ZNF235: variants seen among roughly 807,000 people sequenced by gnomAD.
ZNF235 encodes the protein zinc finger protein 235.
Under a neutral mutation model 29.4 loss-of-function variants are expected in ZNF235, and 25 were observed. The ratio of observed to expected loss-of-function variants is 0.85; its 90% CI spans 0.62 to 1.19. The LOEUF is 1.19. Ranked by LOEUF, ZNF235 falls within the 50% of genes most tolerant of loss-of-function variation. ZNF235 has a pLI of 0.00. For synonymous variants in ZNF235, 300 were observed against 295.3 expected (o/e 1.02, Z -0.16); for missense variants, 788 against 885.0 (o/e 0.89, Z 1.39).
At chr19:44,293,901 A>C (rs1171545956) in intron 4 of ZNF235, among the ~76,000 whole-genome samples, 2 of 151,952 alleles carry the variant, frequency 1.3e-5, no homozygotes, top group African/African-American at 4.8e-5. Flanking sequence ...CTCTGGGATA[A>C]AGCAAAAGCA....
At chr19:44,300,318 T>G (rs1248310674) in intron 2 of ZNF235, among the ~76,000 whole-genome samples, 1 of 152,234 alleles carries the variant, frequency 6.6e-6, no homozygotes, top group African/African-American at 2.4e-5. Flanking sequence ...TAGGACAGTG[T>G]GTGACATACA....
chr19:44,299,143 A>G (rs898194329), intron 3 of ZNF235, among the ~76,000 whole-genome samples: 1 of 152,214 alleles, frequency 6.6e-6, no homozygotes, highest in Non-Finnish European at 1.5e-5. Context: ...TGTTTTCATC[A>G]CATCCCTTAC....
chr19:44,298,710 T>C (rs910907178), intron 4 of ZNF235, 98 bp downstream of exon 4: 61 of 951,676 alleles, frequency 6.4e-5, no homozygotes, highest in Non-Finnish European at 9.8e-5. Context: ...CAGATGTTTT[T>C]TAAAAAAGTC....
chr19:44,289,387 T>C (rs1435403918), intron 4 of ZNF235, 191 bp from the exon 5 acceptor site: 1 of 566,114 alleles, frequency 1.8e-6, no homozygotes, highest in African/African-American at 1.9e-5. Flanking sequence ...AAAAGCCATA[T>C]TTAAGATAGA....
At chr19:44,304,788 A>G in intron 1 of ZNF235, 183 bp downstream of exon 1, 1 of 985,460 alleles carries the variant, frequency 1.0e-6, no homozygotes, top group Non-Finnish European at 1.2e-6. Flanking sequence ...TCGAAGGACG[A>G]CGCGAGCCCG....
At chr19:44,294,905 C>T (rs2123098182) in intron 4 of ZNF235, among the ~76,000 whole-genome samples, 1 of 152,228 alleles carries the variant, frequency 6.6e-6, no homozygotes, top group Middle Eastern at 3.4e-3. Flanking sequence ...ATGATAAAAA[C>T]CTTTGACAAA....
At position 44,288,258 on chromosome 19, in the gene ZNF235, G is replaced by A. The variant is rs146057989; in HGVS notation, c.1177C>T (p.His393Tyr). 2 of 1,614,052 alleles carry A rather than the reference G, an allele frequency of 1.2e-6. No individual in the cohort carries two copies. Among genetic ancestry groups the A allele is most frequent in the African/African-American group, 1.3e-5 (1 of 74,924 alleles). ...GFSRSTDLNI[H>Y]CRVHTGEKPY... is the part of the protein sequence containing the mutation. Reference sequence around the variant, plus strand: ...TTCTCTCCAGTGTGAACTCTGCAATGAATGTTAAGATCTGTGCTACGACTG... The same window carrying A: ...TTCTCTCCAGTGTGAACTCTGCAATAAATGTTAAGATCTGTGCTACGACTG... Residue 393 changes from histidine (H) to tyrosine (Y), a missense_variant, in exon 5 of 5, where the codon CAT (histidine) becomes TAT (tyrosine). Physicochemically the swap from His to Tyr is moderately conservative, Grantham distance 83 (BLOSUM62 2). Coordinates refer to ENST00000291182, the MANE Select transcript of ZNF235 (RefSeq NM_004234.4).
chr19:44,296,369 T>A (rs968301701), intron 4 of ZNF235, among the ~76,000 whole-genome samples: 1 of 152,196 alleles, frequency 6.6e-6, no homozygotes, highest in Admixed American at 6.5e-5. Context: ...AAATAGGTCA[T>A]CCAAATTATG....
intron 1 of ZNF235, 115 bp from the exon 2 acceptor site, chr19:44,303,567 A>G: frequency 1.1e-6 from 1 of 896,154 alleles, no homozygotes; most frequent in South Asian, 1.7e-5. Context: ...ACAGTTGCAC[A>G]CGGCTTAGTG....
At chr19:44,304,636 C>T (rs1255796154) in intron 1 of ZNF235, 2 of 774,176 alleles carry the variant, frequency 2.6e-6, no homozygotes, top group Non-Finnish European at 3.1e-6. Flanking sequence ...AAGAACATCA[C>T]TGGGAACGCA....
At chr19:44,299,499 C>A in intron 3 of ZNF235, 107 bp downstream of exon 3, 1 of 1,464,086 alleles carries the variant, frequency 6.8e-7, no homozygotes, top group Non-Finnish European at 9.3e-7. Flanking sequence ...CTAAACATCC[C>A]AAAATACACA....
intron 1 of ZNF235, 102 bp from the exon 2 acceptor site, chr19:44,303,554 G>T: frequency 1.9e-6 from 2 of 1,062,072 alleles, no homozygotes; most frequent in Non-Finnish European, 2.7e-6. Flanking sequence ...TCTCTAGGCA[G>T]ACACAGTTGC....
chr19:44,301,203 C>T (rs926411316), intron 2 of ZNF235, among the ~76,000 whole-genome samples: 1 of 152,168 alleles, frequency 6.6e-6, no homozygotes, highest in Non-Finnish European at 1.5e-5. Context: ...GCACCTGTTT[C>T]CTACTTGTCT....
chr19:44,288,167 C>A lies in ZNF235; in HGVS notation c.1268G>T (p.Arg423Ile). 1.2e-6 allele frequency: 2 copies of A among 1,614,144 alleles called. No individual in the cohort carries two copies. The highest frequency in any genetic ancestry group is 1.3e-5 in the African/African-American group (1 of 75,034). The change falls in exon 5 of 5, where the codon AGA becomes ATA. Residue 423 changes from arginine to isoleucine, a missense_variant. Coordinates refer to ENST00000291182, the MANE Select transcript of ZNF235 (RefSeq NM_004234.4). ...ATATGGTTTCTCTCCAGTGTGAATT[C>A]TTTCATGGGCCTGAAGATGTGATCT... Reference protein sequence around the residue: ...TQRSHLQAHERIHTGEKPYKC... With the variant: ...TQRSHLQAHEIIHTGEKPYKC...
intron 4 of ZNF235, among the ~76,000 whole-genome samples, chr19:44,297,534 G>T (rs1173507169): frequency 2.0e-5 from 3 of 152,132 alleles, no homozygotes; most frequent in Non-Finnish European, 2.9e-5. Flanking sequence ...TGCGATTTCG[G>T]CTCACTGCAA....
chr19:44,301,003 C>G (rs1975729827), intron 2 of ZNF235, among the ~76,000 whole-genome samples: 1 of 151,630 alleles, frequency 6.6e-6, no homozygotes, highest in African/African-American at 2.4e-5. Flanking sequence ...CAAAACTGGA[C>G]ATTTTTTTTT....
At chr19:44,304,755 G>C in intron 1 of ZNF235, 3 of 985,498 alleles carry the variant, frequency 3.0e-6, no homozygotes, top group Non-Finnish European at 3.6e-6. Flanking sequence ...CGTGAGGACG[G>C]CTAGGGCAGC....
At chr19:44,300,191 C>T (rs773862325) in intron 2 of ZNF235, among the ~76,000 whole-genome samples, 1 of 152,094 alleles carries the variant, frequency 6.6e-6, no homozygotes, top group African/African-American at 2.4e-5. Context: ...TTCCAAGGGT[C>T]TATCCATTGC....
intron 4 of ZNF235, among the ~76,000 whole-genome samples, 164 bp downstream of exon 4, chr19:44,298,644 G>C (rs1405681782): frequency 6.6e-6 from 1 of 152,108 alleles, no homozygotes; most frequent in Non-Finnish European, 1.5e-5. Context: ...TGATCCACCT[G>C]CCAGGCCTCC....
Sources: gnomAD v4.1 joint callset for allele counts (sites outside exome capture counted in the v4.1 genomes callset) on GRCh38, gnomAD v4.1.1 for gene constraint, MANE v1.5 for transcripts, NCBI Gene and HGNC (gene_info 2026-07-23, HGNC 2026-07-21) for gene names.